GLB1: variants seen among roughly 807,000 people sequenced by gnomAD.
GLB1 encodes the protein galactosidase beta 1.
A neutral mutation model predicts 74.0 loss-of-function variants in GLB1; 56 were observed. The ratio of observed to expected loss-of-function variants is 0.76; its 90% CI spans 0.61 to 0.94. GLB1 has a LOEUF of 0.94. Ranked by LOEUF, GLB1 falls within the 40% of genes least tolerant of loss-of-function variation. The pLI is 0.00. For missense variants in GLB1, 787 were observed against 845.5 expected (o/e 0.93, Z 0.86); for synonymous variants, 323 against 323.6 (o/e 1.00, Z 0.02).
intron 1 of GLB1, among the ~76,000 whole-genome samples, chr3:33,072,953 G>A (rs1212744853): frequency 1.3e-5 from 2 of 152,086 alleles, no homozygotes; most frequent in African/African-American, 4.8e-5. Flanking sequence ...TTAGCTTCTA[G>A]AGGCCAGCAC....
At chr3:32,993,077 T>C (rs1696253338), downstream of GLB1, among the ~76,000 whole-genome samples, 2 of 152,180 alleles carry the variant, frequency 1.3e-5, no homozygotes, top group Admixed American at 6.5e-5. Context: ...AAAAAGGTGA[T>C]TTCAGAAAAT....
chr3:33,072,779 A>C (rs1699933734), intron 1 of GLB1, 66 bp from the exon 2 acceptor site: 8 of 1,604,658 alleles, frequency 5.0e-6, no homozygotes, highest in African/African-American at 1.3e-5. Flanking sequence ...CGATCCTTTG[A>C]GAGTAGCAAG....
the GLB1 span, among the ~76,000 whole-genome samples, chr3:32,989,458 GT>G: frequency 6.6e-6 from 1 of 152,212 alleles, no homozygotes; most frequent in African/African-American, 2.4e-5. Context: ...ATGATAGTGG[GT>G]TTTGTCTGAG....
At position 33,093,337 on chromosome 3, in the gene GLB1, T is replaced by C; in HGVS notation, c.75+3674A>G. On this transcript the variant is annotated intron_variant, in intron 1 of 15. Transcript: ENST00000307363. This position sits in a 1 kb window ranked among gnomAD's most constrained non-coding sequence, Gnocchi z 6.0. ...AGGGATTCCAGAAGTGCAAACCAGT[T>C]GCTGACATCTGACGTGTAGTACTCA... 6.2e-7 allele frequency: 1 copy of C among 1,614,134 alleles called. No homozygotes were observed.
At chr3:33,065,334 C>T (rs377670325) in intron 5 of GLB1, 129 bp downstream of exon 5, 34 of 1,261,170 alleles carry the variant, frequency 2.7e-5, no homozygotes, top group South Asian at 1.8e-4. Flanking sequence ...ACTAAAAGCA[C>T]TATCTGTGGC....
At chr3:32,976,127 G>A in the GLB1 span, among the ~76,000 whole-genome samples, 1 of 152,168 alleles carries the variant, frequency 6.6e-6, no homozygotes, top group Non-Finnish European at 1.5e-5. Flanking sequence ...GCTCCTCCCT[G>A]TAACTGCATC....
chr3:32,991,977 CATG>C (rs1365184632), downstream of GLB1, among the ~76,000 whole-genome samples: 3 of 152,252 alleles, frequency 2.0e-5, no homozygotes, highest in South Asian at 2.1e-4. Context: ...CATTGCAACC[CATG>C]ATGATGAGAA....
chr3:33,030,261 T>C (rs1293554883), intron 10 of GLB1: 3 of 154,128 alleles, frequency 1.9e-5, no homozygotes, highest in Non-Finnish European at 4.3e-5. Flanking sequence ...GAAGGTATCC[T>C]GACCACATCA....
At chr3:32,962,882 T>C in the GLB1 span, among the ~76,000 whole-genome samples, 2 of 152,048 alleles carry the variant, frequency 1.3e-5, no homozygotes, top group Non-Finnish European at 2.9e-5. Flanking sequence ...AGTTAAATTA[T>C]TAAATACAAT....
At chr3:33,017,556 A>C (rs1697286334) in intron 13 of GLB1, among the ~76,000 whole-genome samples, 1 of 152,224 alleles carries the variant, frequency 6.6e-6, no homozygotes, top group Non-Finnish European at 1.5e-5. Flanking sequence ...TCTTCTGAAC[A>C]AATTTTCTTG....
intron 6 of GLB1, 62 bp downstream of exon 6, chr3:33,058,027 G>T: frequency 6.2e-7 from 1 of 1,602,798 alleles, no homozygotes; most frequent in East Asian, 2.2e-5. Context: ...CAGCTGCCCA[G>T]AGCAACTGAC....
In GLB1 at chr3:33,074,361, G is replaced by A. The variant is rs189288326; in HGVS notation, c.76-1648C>T. On this transcript the variant is annotated intron_variant, in intron 1 of 15. Coordinates refer to ENST00000307363, the MANE Select transcript of GLB1 (RefSeq NM_000404.4). ...GGAAGGAAGGAAGGAAGGAAGGAAGGAAGGAAGGAAGGAAGGAAGGAAGGA... is the reference window on the plus strand; with the variant it reads ...GGAAGGAAGGAAGGAAGGAAGGAAGAAAGGAAGGAAGGAAGGAAGGAAGGA... Among the ~76,000 whole-genome samples the A allele has an allele frequency of 1.5e-3, 28 of 18,938 alleles. 2 individuals are homozygous for A. The highest frequency in any genetic ancestry group is 4.0e-3 in the African/African-American group (13 of 3,220). 12.4% of individuals were successfully genotyped at this position (18,938 alleles called of 152,430 possible).
intron 9 of GLB1, 139 bp downstream of exon 9, chr3:33,051,619 A>AAT: frequency 8.6e-7 from 1 of 1,165,268 alleles, no homozygotes; most frequent in Non-Finnish European, 1.2e-6. Context: ...AAAAAAAAAA[A>AAT]GAAAAAGAAA....
intron 1 of GLB1, among the ~76,000 whole-genome samples, chr3:33,076,465 GT>G (rs1269004350): frequency 6.6e-6 from 1 of 152,226 alleles, no homozygotes; most frequent in Non-Finnish European, 1.5e-5. Flanking sequence ...GTTTTCAAAT[GT>G]TTGGCTTTTT....
intron 1 of GLB1, among the ~76,000 whole-genome samples, chr3:33,085,295 CGAGA>C (rs928245972): frequency 2.3e-4 from 29 of 123,820 alleles, no homozygotes; most frequent in Non-Finnish European, 4.7e-4. Flanking sequence ...AAAAAAAAAG[CGAGA>C]GAGAGAGAAA....
At chr3:33,013,294 C>T (rs950674164) in intron 15 of GLB1, among the ~76,000 whole-genome samples, 32 of 152,248 alleles carry the variant, frequency 2.1e-4, no homozygotes, top group Admixed American at 7.2e-4. Context: ...TTATCAACCC[C>T]ATAGCCCTTC....
chr3:33,032,768 C>T (rs1273891485), intron 10 of GLB1, among the ~76,000 whole-genome samples: 1 of 152,128 alleles, frequency 6.6e-6, no homozygotes, highest in Non-Finnish European at 1.5e-5. Flanking sequence ...TCCCTGATGC[C>T]CCTGCCGTCA....
chr3:33,068,225 C>T lies in GLB1; in HGVS notation c.457+5G>A. On this transcript the variant is annotated splice_donor_5th_base_variant and intron_variant, in intron 4 of 15. Coordinates refer to ENST00000307363, the MANE Select transcript of GLB1 (RefSeq NM_000404.4). Reference sequence around the variant, plus strand: ...AATCTTCTCAAGACATCTGTAACAACCTACCTGGGTCGGAGGAGCGGAGAA... The same window carrying T: ...AATCTTCTCAAGACATCTGTAACAATCTACCTGGGTCGGAGGAGCGGAGAA... 6.2e-7 allele frequency: 1 copy of T among 1,614,032 alleles called. No homozygotes were observed. The highest frequency in any genetic ancestry group is 8.5e-7 in the Non-Finnish European group (1 of 1,179,940).
Position 33,042,661 on chromosome 3 carries a change from A to C in GLB1, c.1068+3459T>G, listed in dbSNP as rs575909891. Among the ~76,000 whole-genome samples, 2 of 152,216 alleles carry C rather than the reference A, an allele frequency of 1.3e-5. 1 individual carries two copies. The highest frequency in any genetic ancestry group is 4.2e-4 in the South Asian group (2 of 4,818). The stretch of plus-strand genomic sequence containing the variant: ...GGATTACAGGCGTGAGCCACCGCGC[A>C]CAGCCTCTCCTACTTCTTACCCCTT... On this transcript the variant is annotated intron_variant, in intron 10 of 15. Transcript: ENST00000307363.
Sources: allele counts gnomAD v4.1 joint callset (sites outside exome capture counted in the v4.1 genomes callset), GRCh38; gene constraint gnomAD v4.1.1; non-coding constraint Gnocchi (gnomAD v3.1); transcripts MANE v1.5; gene names NCBI Gene and HGNC (gene_info 2026-07-23, HGNC 2026-07-21).